Variants in CDAN1 observed in about 807,000 individuals in gnomAD.
CDAN1 encodes codanin-1.
In CDAN1, 107 loss-of-function variants were observed where a neutral mutation model predicts 139.8. The observed-to-expected ratio is 0.77, with a 90% CI of 0.65 to 0.90. The LOEUF (loss-of-function observed/expected upper bound fraction) is 0.90. Among genes scored for constraint, CDAN1 ranks in the 40% least tolerant of loss-of-function variants. The pLI, the probability that CDAN1 is intolerant of heterozygous loss-of-function variation, is 0.00. For synonymous variants in CDAN1, 776 were observed against 660.6 expected (o/e 1.17, Z -2.68); for missense variants, 1,667 against 1,575.7 (o/e 1.06, Z -0.98).
Position 42,726,584 on chromosome 15 carries a change from C to T in CDAN1, c.3097-167G>A, listed in dbSNP as rs149939891. 8.8e-5 allele frequency: 54 copies of T among 616,700 alleles called. 1 individual carries two copies. In the East Asian group the frequency reaches 1.4e-3, roughly 16 times the overall value. 38.2% of individuals were successfully genotyped at this position (616,700 alleles called of 1,614,324 possible). A position where few individuals can be genotyped will look rare whatever the true frequency, so the allele number is the denominator to read the frequency against. On this transcript the variant is annotated intron_variant, in intron 23 of 27. Coordinates refer to ENST00000356231, the MANE Select transcript of CDAN1 (RefSeq NM_138477.4). Reference sequence around the variant, plus strand: ...GACCTGGGACTTGGGCAGGATAATACAGCCAGGGGAAGCAACCATGTGGAC... The same window carrying T: ...GACCTGGGACTTGGGCAGGATAATATAGCCAGGGGAAGCAACCATGTGGAC...
chr15:42,731,296 C>A lies in CDAN1; in HGVS notation c.1775G>T (p.Ser592Ile). 6.2e-7 allele frequency: 1 copy of A among 1,614,138 alleles called. No homozygotes were observed. Among genetic ancestry groups the A allele is most frequent in the African/African-American group, 1.3e-5 (1 of 75,042 alleles). Residue 592 changes from serine to isoleucine, a missense_variant, in exon 12 of 28, where the codon AGC (serine) becomes ATC (isoleucine). Physicochemically the swap from Ser to Ile is moderately radical, Grantham distance 142. Around this residue, in one of 3 missense-constraint regions of CDAN1, gnomAD observed 936 missense variants for 844.1 expected, o/e 1.11. Coordinates refer to ENST00000356231, the MANE Select transcript of CDAN1 (RefSeq NM_138477.4). ...ACCATTGAGCTCCTGGATCTTCAAG[C>A]TCAGACTGTCCATGAGATGCTGGTT... ...QFNQHLMDSL[S>I]LKIQELNGLA... is the part of the protein sequence containing the mutation.
At chr15:42,728,099 C>A in intron 21 of CDAN1, 66 bp from the exon 22 acceptor site, 4 of 1,587,210 alleles carry the variant, frequency 2.5e-6, no homozygotes, top group South Asian at 1.1e-5. Context: ...ATGCCAGAGT[C>A]GAGCACTGAC....
rs1313383545 is a variant in CDAN1 at position 42,737,007 on chromosome 15, T to C, written c.90+6A>G. 6.5e-7 allele frequency: 1 copy of C among 1,544,308 alleles called. No homozygotes were observed. Among genetic ancestry groups the C allele is most frequent in the Middle Eastern group, 1.7e-4 (1 of 5,940 alleles). ...GTCAGACCTGGGGGCGTGTCACCGC[T>C]GTTACCTCCGAACCCTGGGTGCTGC... On this transcript the variant is annotated splice_donor_region_variant and intron_variant, in intron 1 of 27. Transcript: ENST00000356231.
rs1266985824 is a variant in CDAN1 at position 42,725,529 on chromosome 15, G to T, written c.3410C>A (p.Pro1137Gln). 6.2e-7 allele frequency: 1 copy of T among 1,613,980 alleles called. No homozygotes were observed. Among genetic ancestry groups the T allele is most frequent in the Non-Finnish European group, 8.5e-7 (1 of 1,180,026 alleles). The change falls in exon 26 of 28, where the codon CCA becomes CAA. Residue 1137 changes from proline (P) to glutamine (Q), a missense_variant. Pro to Gln is a moderately conservative substitution (Grantham distance 76). Transcript: ENST00000356231. The stretch of plus-strand genomic sequence containing the variant: ...GTCTGCCAGAAGCCCCACATTTCTT[G>T]GGCTCAGCAGCAGCTGCAGCGGAAC... ...GPVPLQLLLS[P>Q]RNVGLLADTR...
At chr15:42,728,167 G>C (rs943904295) in intron 21 of CDAN1, 37 bp downstream of exon 21, 2 of 1,609,934 alleles carry the variant, frequency 1.2e-6, no homozygotes, top group Non-Finnish European at 1.7e-6. Context: ...CCCCACAACT[G>C]CCTGGCCTGC....
At position 42,724,131 on chromosome 15, in the gene CDAN1, A is replaced by C; in HGVS notation, c.*360T>G. ...GCAGGAGTCATTTGCCTCTGTCATG[A>C]ATTCCAAGACTACAAAGTTTTAAGA... is the stretch of plus-strand genomic sequence containing the variant. On this transcript the variant is annotated 3_prime_UTR_variant, in exon 28 of 28. Coordinates refer to ENST00000356231, the MANE Select transcript of CDAN1 (RefSeq NM_138477.4). 1 of 327,134 alleles carries C rather than the reference A, an allele frequency of 3.1e-6. No individual in the cohort carries two copies. The highest frequency in any genetic ancestry group is 6.0e-6 in the Non-Finnish European group (1 of 167,586). 20.3% of individuals were successfully genotyped at this position (327,134 alleles called of 1,614,324 possible). A position where few individuals can be genotyped will look rare whatever the true frequency, so the allele number is the denominator to read the frequency against.
chr15:42,728,770 G>C lies in CDAN1; in HGVS notation c.2686C>G (p.Leu896Val). 1.2e-6 allele frequency: 2 copies of C among 1,614,208 alleles called. No homozygotes were observed. Among genetic ancestry groups the C allele is most frequent in the Non-Finnish European group, 1.7e-6 (2 of 1,180,028 alleles). The stretch of plus-strand genomic sequence containing the variant: ...TGTGTCACCAGCTGCTCTTGGAGAA[G>C]TGACTCTGCCTGGCGCACCAGATCT... ...VADLVRQAES[L>V]LQEQLVTQGE... The change falls in exon 20 of 28, where the codon CTT becomes GTT. Residue 896 changes from leucine to valine, a missense_variant. Physicochemically the swap from Leu to Val is conservative, Grantham distance 32 (BLOSUM62 1). Coordinates refer to ENST00000356231, the MANE Select transcript of CDAN1 (RefSeq NM_138477.4).
At chr15:42,728,581 AGT>A in intron 20 of CDAN1, 69 bp downstream of exon 20, 4 of 1,580,852 alleles carry the variant, frequency 2.5e-6, no homozygotes, top group Non-Finnish European at 3.5e-6. Context: ...AAAAAGAGTA[AGT>A]GTGAAGGAGG....
chr15:42,728,682 T>G lies in CDAN1; in HGVS notation c.2774A>C (p.His925Pro), dbSNP rs760295520. The G allele has an allele frequency of 6.2e-7, 1 of 1,614,122 alleles. No homozygotes were observed. The highest frequency in any genetic ancestry group is 1.1e-5 in the South Asian group (1 of 91,082). The change falls in exon 20 of 28, where the codon CAC (histidine) becomes CCC (proline). Residue 925 changes from histidine to proline, a missense_variant. His to Pro is a moderately conservative substitution (Grantham distance 77). Coordinates refer to ENST00000356231, the MANE Select transcript of CDAN1 (RefSeq NM_138477.4). ...LEILCSQLCP[H>P]GAQALALGRE... ...CCCCAGGGCCAATGCCTGGGCCCCG[T>G]GAGGGCACAGCTGGGAACACAAGAT...
chr15:42,726,364 T>C lies in CDAN1; in HGVS notation c.3150A>G (p.Pro1050=), dbSNP rs1444830054. 1 of 1,598,824 alleles carries C rather than the reference T, an allele frequency of 6.3e-7. No homozygotes were observed. Among genetic ancestry groups the C allele is most frequent in the Non-Finnish European group, 8.5e-7 (1 of 1,172,898 alleles). Residue 1050 remains proline, a synonymous_variant, in exon 24 of 28, where the codon CCA becomes CCG. Coordinates refer to ENST00000356231, the MANE Select transcript of CDAN1 (RefSeq NM_138477.4). ...GPRDPDEGVS[P]EHLEQLLGQL... ...GGCCTAGGAGCTGTTCCAGATGCTC[T>C]GGGGAGACTCCCTCGTCAGGGTCCC...
At position 42,731,245 on chromosome 15, in the gene CDAN1, T is replaced by C. The variant is rs770414676; in HGVS notation, c.1826A>G (p.Asn609Ser). ...TACGTCTGACTCCCCGTCTTCATCA[T>C]TGGGCTCATGCTGGGGCAGGGCAAG... Reference protein sequence around the residue: ...NGLALPQHEPNDEDGESDVDW... With the variant: ...NGLALPQHEPSDEDGESDVDW... The change falls in exon 12 of 28, where the codon AAT (asparagine) becomes AGT (serine). Residue 609 changes from asparagine (N) to serine (S), a missense_variant. Asn to Ser is a conservative substitution (Grantham distance 46). Transcript: ENST00000356231. 95 of 1,614,238 alleles carry C rather than the reference T, an allele frequency of 5.9e-5. No individual in the cohort carries two copies. Among genetic ancestry groups the C allele is most frequent in the East Asian group, 2.9e-4 (13 of 44,880 alleles).
At position 42,729,640 on chromosome 15, in the gene CDAN1, G is replaced by C. The variant is rs778999414; in HGVS notation, c.2353-18C>G. 1.2e-6 allele frequency: 2 copies of C among 1,613,710 alleles called. No homozygotes were observed. The highest frequency in any genetic ancestry group is 8.5e-7 in the Non-Finnish European group (1 of 1,179,902). ...GCATTGTCCTGGGGAGAAAAGGTTG[G>C]TGTCAGCAGACTGCCCCTCCCCCAG... On this transcript the variant is annotated intron_variant, in intron 16 of 27. Transcript: ENST00000356231.
At chr15:42,725,376 C>A in intron 26 of CDAN1, 113 bp downstream of exon 26, 1 of 1,496,776 alleles carries the variant, frequency 6.7e-7, no homozygotes, top group African/African-American at 1.4e-5. Context: ...GAGCCCATTT[C>A]TGTGTGGAAC....
rs2061612449 is a variant in CDAN1, at chr15:42,731,612, G to A, written c.1739+8C>T. On this transcript the variant is annotated splice_region_variant and intron_variant, in intron 11 of 27. Coordinates refer to ENST00000356231, the MANE Select transcript of CDAN1 (RefSeq NM_138477.4). ...GCCCCATTCCTTGCAAGACACAGGG[G>A]AGCCTACCTGCTGGCACTAAGGATG... 3.1e-6 allele frequency: 5 copies of A among 1,613,636 alleles called. No individual in the cohort carries two copies. In the African/African-American group the frequency reaches 4.0e-5, roughly 13 times the overall value.
At chr15:42,725,009 G>A in intron 27 of CDAN1, 135 bp downstream of exon 27, 1 of 759,356 alleles carries the variant, frequency 1.3e-6, no homozygotes, top group Non-Finnish European at 2.3e-6. Context: ...ACTCAAATCG[G>A]GACAATTTCA....
intron 14 of CDAN1, among the ~76,000 whole-genome samples, 181 bp downstream of exon 14, chr15:42,730,417 A>C (rs2061593848): frequency 6.6e-6 from 1 of 152,204 alleles, no homozygotes. Context: ...GAGGCCAATG[A>C]AAGTGCAGAT....
chr15:42,735,156 G>C lies in CDAN1; in HGVS notation c.1080C>G (p.Phe360Leu), dbSNP rs932545322. ...AGAAGACACAATCGTGGATGCTTTG[G>C]AACAGTGGACTTTCCAGGGAATCTA... Reference protein sequence around the residue: ...AVLDSLESPLFQSIHDCVFFA... With the variant: ...AVLDSLESPLLQSIHDCVFFA... Residue 360 changes from phenylalanine (F) to leucine (L), a missense_variant, in exon 6 of 28, where the codon TTC becomes TTG. Phe to Leu is a conservative substitution (Grantham distance 22, BLOSUM62 0). Coordinates refer to ENST00000356231, the MANE Select transcript of CDAN1 (RefSeq NM_138477.4). 1 of 1,613,758 alleles carries C rather than the reference G, an allele frequency of 6.2e-7. No individual in the cohort carries two copies. Among genetic ancestry groups the C allele is most frequent in the Non-Finnish European group, 8.5e-7 (1 of 1,179,816 alleles).
In CDAN1 at chr15:42,730,186, C is replaced by G; in HGVS notation, c.2204G>C (p.Gly735Ala). The G allele has an allele frequency of 6.2e-7, 1 of 1,614,174 alleles. No homozygotes were observed. Among genetic ancestry groups the G allele is most frequent in the Non-Finnish European group, 8.5e-7 (1 of 1,180,034 alleles). The change falls in exon 15 of 28, where the codon GGG (glycine) becomes GCG (alanine). Residue 735 changes from glycine to alanine, a missense_variant. Around this residue, in one of 3 missense-constraint regions of CDAN1, gnomAD observed 936 missense variants for 844.1 expected, o/e 1.11. Transcript: ENST00000356231. ...RSLVLSQESE[G>A]KMCFLNKLLL... ...CAGCTTGTTCAGGAAACACATCTTC[C>G]CCTCACTCTCCTGCGACAACACCAA...
chr15:42,726,451 T>A, intron 23 of CDAN1, 34 bp from the exon 24 acceptor site: 1 of 1,503,598 alleles, frequency 6.7e-7, no homozygotes, highest in Non-Finnish European at 9.1e-7. Context: ...CACCTTGCGC[T>A]GGGGGCCAGG....
Sources: gnomAD v4.1 joint callset for allele counts (sites outside exome capture counted in the v4.1 genomes callset) on GRCh38, gnomAD v4.1.1 for gene constraint, gnomAD v4.1.1 regional missense constraint, MANE v1.5 for transcripts, NCBI Gene and HGNC (gene_info 2026-07-23, HGNC 2026-07-21) for gene names.